Variants in GABRG3 observed in about 807,000 individuals in gnomAD.
GABRG3 encodes gamma-aminobutyric acid receptor subunit gamma-3.
A neutral mutation model predicts 48.8 loss-of-function variants in GABRG3; 25 were observed. That is an observed-to-expected ratio of 0.51 (90% CI 0.37 to 0.72). GABRG3 has a LOEUF of 0.72. Ranked by LOEUF, GABRG3 falls within the 30% of genes least tolerant of loss-of-function variation. The probability of loss-of-function intolerance (pLI) is 0.00; values close to 1 mark genes in which losing one functional copy is unlikely to be tolerated. For missense variants in GABRG3, 394 were observed against 577.9 expected, an observed-to-expected ratio of 0.68 and a Z score of 3.26; for synonymous variants, 227 against 217.6, an observed-to-expected ratio of 1.04 and a Z score of -0.38.
intron 3 of GABRG3, among the ~76,000 whole-genome samples, chr15:27,176,078 A>G (rs375376520): frequency 4.6e-5 from 7 of 152,246 alleles, no homozygotes; most frequent in African/African-American, 7.2e-5. Flanking sequence ...AATGCATTCT[A>G]TAGCTCACAT....
At chr15:27,265,914 C>G (rs1489342897) in intron 3 of GABRG3, among the ~76,000 whole-genome samples, 1 of 118,852 alleles carries the variant, frequency 8.4e-6, no homozygotes, top group African/African-American at 4.1e-5. Context: ...GACCTTCGCT[C>G]TTGTTGCTTA....
chr15:27,210,097 AC>A (rs1889023251), intron 3 of GABRG3, among the ~76,000 whole-genome samples: 1 of 152,100 alleles, frequency 6.6e-6, no homozygotes, highest in Non-Finnish European at 1.5e-5. Flanking sequence ...CACAGTTTGG[AC>A]CATAACTATG....
At chr15:27,474,843 G>C (rs147954503) in intron 5 of GABRG3, among the ~76,000 whole-genome samples, 35 of 152,162 alleles carry the variant, frequency 2.3e-4, no homozygotes, top group Non-Finnish European at 3.8e-4. Flanking sequence ...TTATAAAAAG[G>C]GTGGCTGGCT....
At position 27,299,245 on chromosome 15, in the gene GABRG3, C is replaced by T. The variant is rs902688514; in HGVS notation, c.271-27564C>T. On this transcript the variant is annotated intron_variant, in intron 3 of 9. Transcript: ENST00000615808. ...GTTGCAGTGAGTCAAGATTGCACCACTGCATTCCACCTTGGGCAACAAGAG... is the reference window on the plus strand; with the variant it reads ...GTTGCAGTGAGTCAAGATTGCACCATTGCATTCCACCTTGGGCAACAAGAG... 2.6e-5 allele frequency among the ~76,000 whole-genome samples: 4 copies of T among 152,172 alleles called. No homozygotes were observed. In the East Asian group the frequency reaches 7.7e-4, roughly 29 times the overall value.
intron 3 of GABRG3, among the ~76,000 whole-genome samples, chr15:27,171,094 G>A (rs1887552171): frequency 6.6e-6 from 1 of 152,196 alleles, no homozygotes; most frequent in African/African-American, 2.4e-5. Context: ...GAGAGGACCA[G>A]TGTCTCACAG....
At chr15:27,199,037 C>G (rs1034752325) in intron 3 of GABRG3, among the ~76,000 whole-genome samples, 4 of 152,004 alleles carry the variant, frequency 2.6e-5, no homozygotes, top group Non-Finnish European at 5.9e-5. Context: ...GGAGAAATAC[C>G]TAATGTAGAT....
At chr15:27,392,611 C>T (rs560296615) in intron 5 of GABRG3, among the ~76,000 whole-genome samples, 1 of 152,286 alleles carries the variant, frequency 6.6e-6, no homozygotes, top group Non-Finnish European at 1.5e-5. Flanking sequence ...ACTCTGCATA[C>T]TTTAGAAGGA....
intron 5 of GABRG3, among the ~76,000 whole-genome samples, chr15:27,476,347 T>C (rs1051834491): frequency 2.0e-5 from 3 of 152,060 alleles, no homozygotes; most frequent in African/African-American, 7.2e-5. Flanking sequence ...ATTCTAGATA[T>C]TGAATGTATC....
chr15:27,501,644 A>C (rs1566869643), intron 6 of GABRG3, among the ~76,000 whole-genome samples: 1 of 152,138 alleles, frequency 6.6e-6, no homozygotes, highest in African/African-American at 2.4e-5. Flanking sequence ...GCCTTAGGAC[A>C]CACGATCTGA....
At chr15:27,359,974 G>A (rs1048164538) in intron 5 of GABRG3, among the ~76,000 whole-genome samples, 14 of 152,164 alleles carry the variant, frequency 9.2e-5, no homozygotes, top group African/African-American at 3.1e-4. Context: ...GTTTTTGAGT[G>A]CCAACTACAC....
At chr15:27,306,065 T>C (rs1427688833) in intron 3 of GABRG3, among the ~76,000 whole-genome samples, 1 of 111,710 alleles carries the variant, frequency 9.0e-6, no homozygotes, top group Non-Finnish European at 1.7e-5. Context: ...CCTATATGTT[T>C]ATATATAAAC....
intron 5 of GABRG3, among the ~76,000 whole-genome samples, chr15:27,350,909 G>A (rs2140535933): frequency 6.6e-6 from 1 of 151,136 alleles, no homozygotes; most frequent in South Asian, 2.1e-4. Context: ...TTGTGTGTGT[G>A]TATCATGTGT....
At chr15:27,106,991 A>G (rs979602658) in intron 3 of GABRG3, among the ~76,000 whole-genome samples, 4 of 152,030 alleles carry the variant, frequency 2.6e-5, no homozygotes, top group African/African-American at 4.8e-5. Context: ...AGTCTCTTCA[A>G]TTTTACACAT....
intron 6 of GABRG3, among the ~76,000 whole-genome samples, chr15:27,506,269 G>A (rs1890758185): frequency 1.3e-5 from 2 of 152,152 alleles, no homozygotes; most frequent in South Asian, 4.1e-4. Flanking sequence ...ATTTATATGA[G>A]ACAGTTGAAT....
intron 3 of GABRG3, among the ~76,000 whole-genome samples, chr15:27,152,351 C>T (rs1392757195): frequency 6.6e-6 from 1 of 152,126 alleles, no homozygotes; most frequent in African/African-American, 2.4e-5. Flanking sequence ...TTGTTTTCCT[C>T]CACCAGTACC....
chr15:27,404,470 G>A (rs1887573465), intron 5 of GABRG3, among the ~76,000 whole-genome samples: 1 of 152,118 alleles, frequency 6.6e-6, no homozygotes, highest in South Asian at 2.1e-4. Context: ...TTATACGTGG[G>A]CGTCAACCAG....
chr15:27,112,938 A>G (rs916263480), intron 3 of GABRG3, among the ~76,000 whole-genome samples: 1 of 152,172 alleles, frequency 6.6e-6, no homozygotes, highest in Admixed American at 6.5e-5. Flanking sequence ...TTGTTCTTCA[A>G]TTCTAAGAAT....
intron 5 of GABRG3, among the ~76,000 whole-genome samples, chr15:27,350,982 TG>T (rs1214491534): frequency 1.3e-5 from 2 of 150,914 alleles, no homozygotes; most frequent in East Asian, 2.0e-4. Context: ...TGTGTGTGTA[TG>T]GTGTGTGAAT....
At chr15:27,376,984 A>C (rs1190350330) in intron 5 of GABRG3, among the ~76,000 whole-genome samples, 1 of 152,162 alleles carries the variant, frequency 6.6e-6, no homozygotes, top group East Asian at 1.9e-4. Flanking sequence ...TGCCTTTGAC[A>C]ACACCCAACT....
Sources: allele counts gnomAD v4.1 joint callset (sites outside exome capture counted in the v4.1 genomes callset), GRCh38; gene constraint gnomAD v4.1.1; transcripts MANE v1.5; gene names NCBI Gene and HGNC (gene_info 2026-07-23, HGNC 2026-07-21).